UBE3C: variants seen among roughly 807,000 people sequenced by gnomAD.
UBE3C encodes ubiquitin-protein ligase E3C.
In UBE3C, 42 loss-of-function variants were observed where a neutral mutation model predicts 129.4. The observed-to-expected ratio is 0.32, with a 90% CI of 0.25 to 0.42. The LOEUF (loss-of-function observed/expected upper bound fraction) is 0.42, where lower values mean the gene tolerates loss of function less well. Ranked by LOEUF, UBE3C falls within the 10% of genes least tolerant of loss-of-function variation. The pLI is 1.00. For missense variants in UBE3C, 1,049 were observed against 1,319.1 expected, an observed-to-expected ratio of 0.80 and a Z score of 3.17; for synonymous variants, 510 against 492.4, an observed-to-expected ratio of 1.04 and a Z score of -0.47.
rs1211066003 is a variant in UBE3C at position 157,268,942 on chromosome 7, A to AT, written c.*1188dup. ...ATCTAAATCCTCATTTATCTCTTCT[A>AT]TGTCTCGTATTTTACTGTCACTGGA... On this transcript the variant is annotated 3_prime_UTR_variant, in exon 23 of 23. Transcript: ENST00000348165. 1 of 152,612 alleles carries AT rather than the reference A, an allele frequency of 6.6e-6. No homozygotes were observed. Among genetic ancestry groups the AT allele is most frequent in the Admixed American group, 6.5e-5 (1 of 15,278 alleles). The allele number at this position is 152,612 out of a possible 1,614,324, so 9.5% of individuals were successfully genotyped here.
At chr7:157,220,597 G>A (rs981904908) in intron 14 of UBE3C, 92 bp from the exon 15 acceptor site, 58 of 1,472,656 alleles carry the variant, frequency 3.9e-5, no homozygotes, top group Middle Eastern at 3.5e-4. Context: ...CCACGGTAGA[G>A]AAATGTCCAG....
chr7:157,249,337 T>G (rs1796562681), intron 19 of UBE3C, among the ~76,000 whole-genome samples: 1 of 151,810 alleles, frequency 6.6e-6, no homozygotes, highest in African/African-American at 2.4e-5. Flanking sequence ...TTTTTTGAGA[T>G]GGAGTTTCAC....
intron 2 of UBE3C, among the ~76,000 whole-genome samples, chr7:157,167,167 G>C (rs1808240130): frequency 6.6e-6 from 1 of 152,180 alleles, no homozygotes; most frequent in African/African-American, 2.4e-5. Flanking sequence ...CTGACCTCAA[G>C]TGATCTGCCC....
intron 1 of UBE3C, among the ~76,000 whole-genome samples, chr7:157,155,882 C>G (rs776557021): frequency 6.6e-6 from 1 of 151,896 alleles, no homozygotes; most frequent in Non-Finnish European, 1.5e-5. Context: ...GCTGTCAGGA[C>G]GATGGCCTCG....
At position 157,216,979 on chromosome 7, in the gene UBE3C, T is replaced by TA; in HGVS notation, c.1914+8_1914+9insA. ...GATATTAAAGCAGATAAGGTGTTAT[T>TA]GAAAGATCTTTTTAATATTTATCAT... On this transcript the variant is annotated intron_variant, in intron 14 of 22. Coordinates refer to ENST00000348165, the MANE Select transcript of UBE3C (RefSeq NM_014671.3). The TA allele has an allele frequency of 6.3e-7, 1 of 1,597,754 alleles. No homozygotes were observed. Among genetic ancestry groups the TA allele is most frequent in the Non-Finnish European group, 8.6e-7 (1 of 1,167,442 alleles).
At chr7:157,153,059 G>T (rs1807802277) in intron 1 of UBE3C, among the ~76,000 whole-genome samples, 1 of 152,136 alleles carries the variant, frequency 6.6e-6, no homozygotes, top group African/African-American at 2.4e-5. Flanking sequence ...AGCCAGGCAT[G>T]GTGGTGGGCG....
At chr7:157,248,089 T>G (rs753419503) in intron 18 of UBE3C, among the ~76,000 whole-genome samples, 2 of 152,216 alleles carry the variant, frequency 1.3e-5, no homozygotes, top group Non-Finnish European at 2.9e-5. Flanking sequence ...TGTTGGCTTC[T>G]GTCTCACAAG....
chr7:157,142,854 AT>A (rs10714296), intron 1 of UBE3C, among the ~76,000 whole-genome samples: 17,638 of 141,900 alleles, frequency 0.12, 2,908 homozygotes, highest in African/African-American at 0.39. Flanking sequence ...TAAAAGTTGA[AT>A]TTTTTTTTTT....
chr7:157,143,589 C>T (rs900985910), intron 1 of UBE3C, among the ~76,000 whole-genome samples: 3 of 152,098 alleles, frequency 2.0e-5, no homozygotes, highest in Non-Finnish European at 2.9e-5. Flanking sequence ...TACCAGTTTT[C>T]AGGAGAGGAA....
At position 157,269,244 on chromosome 7, in the gene UBE3C, A is replaced by G. The variant is rs1797161770; in HGVS notation, c.*1489A>G. The G allele has an allele frequency of 6.6e-6, 1 of 152,562 alleles. No individual in the cohort carries two copies. The highest frequency in any genetic ancestry group is 2.4e-5 in the African/African-American group (1 of 41,478). 9.5% of individuals were successfully genotyped at this position (152,562 alleles called of 1,614,324 possible). On this transcript the variant is annotated 3_prime_UTR_variant, in exon 23 of 23. Coordinates refer to ENST00000348165, the MANE Select transcript of UBE3C (RefSeq NM_014671.3). Reference sequence around the variant, plus strand: ...ATTTTATTAGTATTTTGGAAATAGCATATCTGAGACTGAAGAGAAATTGAC... The same window carrying G: ...ATTTTATTAGTATTTTGGAAATAGCGTATCTGAGACTGAAGAGAAATTGAC...
rs1245078247 is a variant in UBE3C, at chr7:157,268,808, A to G, written c.*1053A>G. ...CGGTAGTTCTTGCAGTAGGCACTTT[A>G]TCAGGACCTGACCTGTTGCTGGGTG... On this transcript the variant is annotated 3_prime_UTR_variant, in exon 23 of 23. Coordinates refer to ENST00000348165, the MANE Select transcript of UBE3C (RefSeq NM_014671.3). The G allele has an allele frequency of 6.6e-6, 1 of 152,664 alleles. No homozygotes were observed. The highest frequency in any genetic ancestry group is 1.5e-5 in the Non-Finnish European group (1 of 68,048). The allele number at this position is 152,664 out of a possible 1,614,324, so 9.5% of individuals were successfully genotyped here.
At chr7:157,200,447 T>A (rs1334275732) in intron 10 of UBE3C, among the ~76,000 whole-genome samples, 1 of 152,216 alleles carries the variant, frequency 6.6e-6, no homozygotes, top group Non-Finnish European at 1.5e-5. Flanking sequence ...GAGATTTTTT[T>A]ATTGGATTTT....
chr7:157,202,336 C>T (rs1809312044), intron 11 of UBE3C, among the ~76,000 whole-genome samples: 2 of 152,134 alleles, frequency 1.3e-5, no homozygotes, highest in South Asian at 4.1e-4. Context: ...TAGCCTAGTA[C>T]TCTGTTGTTG....
At chr7:157,214,642 C>A (rs990223833) in intron 13 of UBE3C, among the ~76,000 whole-genome samples, 10 of 152,168 alleles carry the variant, frequency 6.6e-5, no homozygotes, top group African/African-American at 2.4e-4. Context: ...AAAGACCAGA[C>A]ACGAACATCT....
At chr7:157,190,945 A>G (rs1808946480) in intron 10 of UBE3C, among the ~76,000 whole-genome samples, 1 of 152,040 alleles carries the variant, frequency 6.6e-6, no homozygotes, top group East Asian at 1.9e-4. Flanking sequence ...TCTTCCAGTT[A>G]ATGTCTGGGC....
chr7:157,233,210 C>T (rs763445359), intron 18 of UBE3C, among the ~76,000 whole-genome samples: 1 of 152,024 alleles, frequency 6.6e-6, no homozygotes, highest in Admixed American at 6.6e-5. Flanking sequence ...TTTCAGGTTT[C>T]ATTCATGTCG....
At chr7:157,154,003 G>A (rs1352090206) in intron 1 of UBE3C, among the ~76,000 whole-genome samples, 1 of 150,854 alleles carries the variant, frequency 6.6e-6, no homozygotes, top group East Asian at 2.0e-4. Context: ...TCTGGGGGGG[G>A]AAAAGTTAAC....
At position 157,248,805 on chromosome 7, in the gene UBE3C, C is replaced by T. The variant is rs531497242; in HGVS notation, c.2694+225C>T. 6.6e-5 allele frequency among the ~76,000 whole-genome samples: 10 copies of T among 152,330 alleles called. No homozygotes were observed. In the East Asian group the frequency reaches 1.9e-3, roughly 29 times the overall value. Reference sequence around the variant, plus strand: ...ACGCATGAAGCCTGTTCCTGCCCGGCAGCCCCTCCTGCGGAGCTCCACTCT... The same window carrying T: ...ACGCATGAAGCCTGTTCCTGCCCGGTAGCCCCTCCTGCGGAGCTCCACTCT... On this transcript the variant is annotated intron_variant, in intron 19 of 22. Transcript: ENST00000348165.
chr7:157,197,707 CAAG>C (rs1563052199), intron 10 of UBE3C: 1 of 1,609,588 alleles, frequency 6.2e-7, no homozygotes, highest in Non-Finnish European at 8.5e-7. Flanking sequence ...AGAATAAAGT[CAAG>C]AGCTGCAAAT....
Sources: allele counts gnomAD v4.1 joint callset (sites outside exome capture counted in the v4.1 genomes callset), GRCh38; gene constraint gnomAD v4.1.1; transcripts MANE v1.5; gene names NCBI Gene and HGNC (gene_info 2026-07-23, HGNC 2026-07-21).